CFAP20DC: variants seen among roughly 807,000 people sequenced by gnomAD.
CFAP20DC encodes the protein protein CFAP20DC.
Under a neutral mutation model 101.7 loss-of-function variants are expected in CFAP20DC, and 84 were observed. That is an observed-to-expected ratio of 0.83 (90% CI 0.69 to 0.99). CFAP20DC has a LOEUF of 0.99. Among genes scored for constraint, CFAP20DC ranks in the 50% least tolerant of loss-of-function variants. CFAP20DC has a pLI of 0.00. For synonymous variants in CFAP20DC, 359 were observed against 351.2 expected, an observed-to-expected ratio of 1.02 and a Z score of -0.25; for missense variants, 1,007 against 970.3, an observed-to-expected ratio of 1.04 and a Z score of -0.50.
chr3:58,852,000 T>G (rs2078282242), intron 12 of CFAP20DC, among the ~76,000 whole-genome samples: 1 of 152,174 alleles, frequency 6.6e-6, no homozygotes, highest in Non-Finnish European at 1.5e-5. Context: ...CAGATGTTCT[T>G]GTTCTTTCAC....
At chr3:58,787,145 G>C (rs1354856425) in intron 15 of CFAP20DC, among the ~76,000 whole-genome samples, 2 of 151,858 alleles carry the variant, frequency 1.3e-5, no homozygotes, top group Non-Finnish European at 2.9e-5. Context: ...AAGATTTGAT[G>C]AGTATTTCTT....
At chr3:58,716,180 A>G (rs1468557174), downstream of CFAP20DC, among the ~76,000 whole-genome samples, 3 of 97,452 alleles carry the variant, frequency 3.1e-5, no homozygotes, top group Non-Finnish European at 5.4e-5. Flanking sequence ...TTTGAGACGG[A>G]GTCTCGCTCT....
At chr3:59,036,407 C>A (rs2094104246) in intron 4 of CFAP20DC, among the ~76,000 whole-genome samples, 1 of 152,294 alleles carries the variant, frequency 6.6e-6, no homozygotes, top group African/African-American at 2.4e-5. Context: ...CCCATCGTCT[C>A]AGCCCAAAAA....
intron 13 of CFAP20DC, among the ~76,000 whole-genome samples, chr3:58,839,552 G>A (rs1359835389): frequency 1.3e-5 from 2 of 152,206 alleles, no homozygotes; most frequent in East Asian, 1.9e-4. Context: ...CCATGAAGAG[G>A]TGAGTAAGAC....
At chr3:58,989,171 C>T (rs2092851274) in intron 4 of CFAP20DC, among the ~76,000 whole-genome samples, 1 of 151,936 alleles carries the variant, frequency 6.6e-6, no homozygotes, top group Non-Finnish European at 1.5e-5. Flanking sequence ...GAGATTTACT[C>T]TTACTGTTAC....
intron 14 of CFAP20DC, among the ~76,000 whole-genome samples, chr3:58,815,279 T>C (rs1390024310): frequency 6.6e-6 from 1 of 150,566 alleles, no homozygotes; most frequent in Non-Finnish European, 1.5e-5. Context: ...ATTTAATAAA[T>C]GGTGCTGGGA....
In CFAP20DC at chr3:59,009,692, C is replaced by T. The variant is rs530177584; in HGVS notation, c.278+29865G>A. Among the ~76,000 whole-genome samples the T allele has an allele frequency of 2.6e-5, 4 of 152,104 alleles. No individual in the cohort carries two copies. The East Asian group carries it at 7.7e-4, about 29-fold the overall frequency. ...GGGCTTCCCTGGCCTTGTCAGAGAC[C>T]TAGACTACCAAATACAAGAAGCTCA... is the stretch of plus-strand genomic sequence containing the variant. On this transcript the variant is annotated intron_variant, in intron 4 of 16. Coordinates refer to ENST00000482387, the MANE Select transcript of CFAP20DC (RefSeq NM_001394063.1).
At position 59,015,266 on chromosome 3, in the gene CFAP20DC, C is replaced by T. The variant is rs80246103; in HGVS notation, c.278+24291G>A. On this transcript the variant is annotated intron_variant, in intron 4 of 16. Transcript: ENST00000482387. This position sits in a 1 kb window ranked among gnomAD's most constrained non-coding sequence, Gnocchi z 5.4. ...GGCCCTCAGGCACCCACTTTCTCTT[C>T]TTGAGTAAGTTTACTCCCACAGGAG... is the stretch of plus-strand genomic sequence containing the variant. Among the ~76,000 whole-genome samples, 1,263 of 151,930 alleles carry T rather than the reference C, an allele frequency of 8.3e-3. 12 individuals carry two copies. The highest frequency in any genetic ancestry group is 0.014 in the Non-Finnish European group (927 of 67,970).
intron 4 of CFAP20DC, among the ~76,000 whole-genome samples, chr3:59,012,539 A>G (rs1436199646): frequency 6.6e-6 from 1 of 152,354 alleles, no homozygotes; most frequent in South Asian, 2.1e-4. Flanking sequence ...AGGAGTGAAG[A>G]CTGGACAAGG....
At chr3:58,810,681 A>G (rs997515988) in intron 14 of CFAP20DC, among the ~76,000 whole-genome samples, 1 of 148,460 alleles carries the variant, frequency 6.7e-6, no homozygotes, top group Non-Finnish European at 1.5e-5. Flanking sequence ...CCTATTCAAC[A>G]TAGTGTTGGA....
At chr3:58,983,874 T>C (rs1345087777) in intron 4 of CFAP20DC, among the ~76,000 whole-genome samples, 1 of 152,120 alleles carries the variant, frequency 6.6e-6, no homozygotes, top group Non-Finnish European at 1.5e-5. Flanking sequence ...GGCTAGTGAG[T>C]ATCAGAACCA....
chr3:58,819,885 A>C (rs1472802220), intron 14 of CFAP20DC, among the ~76,000 whole-genome samples: 2 of 147,888 alleles, frequency 1.4e-5, no homozygotes, highest in Non-Finnish European at 3.0e-5. Flanking sequence ...TTGATGCAAA[A>C]ATCCTCAATA....
At chr3:59,029,235 A>G (rs1357637399) in intron 4 of CFAP20DC, among the ~76,000 whole-genome samples, 1 of 152,154 alleles carries the variant, frequency 6.6e-6, no homozygotes, top group Non-Finnish European at 1.5e-5. Flanking sequence ...TGGGATATCA[A>G]GCTGAATAGA....
downstream of CFAP20DC, among the ~76,000 whole-genome samples, chr3:58,738,713 G>A (rs1331022695): frequency 6.6e-6 from 1 of 152,194 alleles, no homozygotes; most frequent in African/African-American, 2.4e-5. The surrounding 1 kb of genome is among the most constrained non-coding windows in gnomAD (Gnocchi z 4.4). Context: ...CCAGTAATGG[G>A]ATTGCTGGGT....
intron 15 of CFAP20DC, among the ~76,000 whole-genome samples, chr3:58,802,164 A>C (rs1452191341): frequency 1.3e-5 from 2 of 152,042 alleles, no homozygotes; most frequent in African/African-American, 4.8e-5. Context: ...CTGAGCAGGA[A>C]TATCTTACGT....
intron 13 of CFAP20DC, among the ~76,000 whole-genome samples, chr3:58,834,837 A>T (rs1028594076): frequency 2.0e-5 from 3 of 152,188 alleles, no homozygotes; most frequent in Non-Finnish European, 4.4e-5. Flanking sequence ...ACTTTGTAAT[A>T]TATGTTTATT....
chr3:58,870,954 T>C lies in CFAP20DC; in HGVS notation c.716-645A>G, dbSNP rs370843432. On this transcript the variant is annotated intron_variant, in intron 7 of 16. Transcript: ENST00000482387. Reference sequence around the variant, plus strand: ...AAAGGAAAAGCTACTAAAAAATACATCTTATTTTCTCTTTAAGGAAATAAT... The same window carrying C: ...AAAGGAAAAGCTACTAAAAAATACACCTTATTTTCTCTTTAAGGAAATAAT... 7.9e-4 allele frequency among the ~76,000 whole-genome samples: 103 copies of C among 130,018 alleles called. No individual in the cohort carries two copies. In the Middle Eastern group the frequency reaches 0.013, roughly 17 times the overall value. 85.3% of individuals were successfully genotyped at this position (130,018 alleles called of 152,430 possible).
Position 58,717,785 on chromosome 3 carries a change from G to T in CFAP20DC, c.198-157C>A, listed in dbSNP as rs932029529. Among the ~76,000 whole-genome samples the T allele has an allele frequency of 3.3e-5, 5 of 152,274 alleles. No individual in the cohort carries two copies. Among genetic ancestry groups the T allele is most frequent in the Non-Finnish European group, 5.9e-5 (4 of 68,022 alleles). ...TGGCAACTTATTAGCTAGAACTGGTGACTTGATCATCTCCAGCTGGATGAG... is the reference window on the plus strand; with the variant it reads ...TGGCAACTTATTAGCTAGAACTGGTTACTTGATCATCTCCAGCTGGATGAG... On this transcript the variant is annotated intron_variant, in intron 3 of 3. Transcript: ENST00000486145. This position sits in a 1 kb window ranked among gnomAD's most constrained non-coding sequence, Gnocchi z 4.1.
At chr3:58,945,530 T>C (rs2089234295) in intron 4 of CFAP20DC, among the ~76,000 whole-genome samples, 1 of 152,136 alleles carries the variant, frequency 6.6e-6, no homozygotes, top group African/African-American at 2.4e-5. Context: ...TTTTCCTCAT[T>C]CCCAGGCTCC....
Sources: gnomAD v4.1 joint callset for allele counts (sites outside exome capture counted in the v4.1 genomes callset) on GRCh38, gnomAD v4.1.1 for gene constraint, Gnocchi (gnomAD v3.1) non-coding constraint, MANE v1.5 for transcripts, NCBI Gene and HGNC (gene_info 2026-07-23, HGNC 2026-07-21) for gene names.